The following TENM2 variants were observed in gnomAD, a reference collection of about 807,000 sequenced individuals.
TENM2 encodes teneurin transmembrane protein 2.
A neutral mutation model predicts 245.2 loss-of-function variants in TENM2; 52 were observed. The observed-to-expected ratio is 0.21, with a 90% CI of 0.17 to 0.27. The LOEUF (loss-of-function observed/expected upper bound fraction) is 0.27, where lower values mean the gene tolerates loss of function less well. Among genes scored for constraint, TENM2 ranks in the 10% least tolerant of loss-of-function variants. TENM2 has a pLI of 1.00. For missense variants in TENM2, 3,046 were observed against 3,666.8 expected, an observed-to-expected ratio of 0.83 and a Z score of 4.37; for synonymous variants, 1,363 against 1,438.9, an observed-to-expected ratio of 0.95 and a Z score of 1.19.
At chr5:167,510,212 T>G (rs1769845070) in intron 2 of TENM2, among the ~76,000 whole-genome samples, 1 of 152,218 alleles carries the variant, frequency 6.6e-6, no homozygotes, top group Non-Finnish European at 1.5e-5. Context: ...TTCATGCAGT[T>G]AATTTACTCT....
intron 2 of TENM2, among the ~76,000 whole-genome samples, chr5:167,642,981 G>A (rs974010328): frequency 2.0e-5 from 3 of 152,104 alleles, no homozygotes; most frequent in South Asian, 2.1e-4. Context: ...TGTTCCCACC[G>A]CTCACTGCAA....
intron 13 of TENM2, among the ~76,000 whole-genome samples, chr5:168,180,292 A>G (rs927704394): frequency 6.6e-6 from 1 of 152,148 alleles, no homozygotes; most frequent in African/African-American, 2.4e-5. Context: ...AATGCTGCGT[A>G]CTCCATGACA....
At chr5:166,981,963 G>A in the TENM2 span, among the ~76,000 whole-genome samples, 1 of 152,048 alleles carries the variant, frequency 6.6e-6, no homozygotes, top group African/African-American at 2.4e-5. Flanking sequence ...GCTTGTTGAT[G>A]GGTTTATTAT....
In TENM2 at chr5:168,164,118, C is replaced by T. The variant is rs575243194; in HGVS notation, c.2569+1361C>T. On this transcript the variant is annotated intron_variant, in intron 13 of 28. Transcript: ENST00000518659. ...TTACATTCCAGCCTTTGTGTAAGTG[C>T]GCTGGCTCTTTCCGCCTTTAATATT... is the stretch of plus-strand genomic sequence containing the variant. 2.6e-4 allele frequency among the ~76,000 whole-genome samples: 39 copies of T among 152,308 alleles called. No individual in the cohort carries two copies. The South Asian group carries it at 2.7e-3, about 11-fold the overall frequency.
intron 5 of TENM2, among the ~76,000 whole-genome samples, chr5:168,007,724 T>C (rs1457741859): frequency 6.6e-6 from 1 of 152,220 alleles, no homozygotes; most frequent in Non-Finnish European, 1.5e-5. Context: ...TTTACTTGGC[T>C]CAGAAGACCT....
chr5:168,246,844 G>T (rs371497946), exon 27 of TENM2: 8 of 1,613,870 alleles, frequency 5.0e-6, no homozygotes, highest in Non-Finnish European at 6.8e-6. Context: ...CATGCCCAGC[G>T]TGGCCCGGCA....
intron 4 of TENM2, among the ~76,000 whole-genome samples, chr5:167,989,955 G>A (rs191481656): frequency 3.3e-5 from 5 of 152,272 alleles, no homozygotes; most frequent in Admixed American, 1.3e-4. Context: ...TAGAAATGGA[G>A]CTTTGGAGAC....
At chr5:167,876,082 T>G in exon 3 of TENM2, 1 of 1,551,446 alleles carries the variant, frequency 6.4e-7, no homozygotes. Context: ...CAGATGCCAT[T>G]GCTAGACAGC....
the TENM2 span, among the ~76,000 whole-genome samples, chr5:167,279,546 C>G: frequency 7.1e-6 from 1 of 140,156 alleles, no homozygotes; most frequent in Non-Finnish European, 1.5e-5. Flanking sequence ...TCCTTCCTTC[C>G]TTCCTTCCTT....
At chr5:168,228,209 T>C in intron 25 of TENM2, 79 bp downstream of exon 27, 1 of 1,216,970 alleles carries the variant, frequency 8.2e-7, no homozygotes, top group Non-Finnish European at 1.2e-6. Flanking sequence ...AAAGTTTCTC[T>C]GTTACCACAG....
At chr5:168,191,571 A>G (rs1760964497) in intron 14 of TENM2, among the ~76,000 whole-genome samples, 1 of 152,120 alleles carries the variant, frequency 6.6e-6, no homozygotes, top group Non-Finnish European at 1.5e-5. Context: ...TCTAGATACT[A>G]GGAACTTGGG....
At chr5:167,435,342 G>A (rs758080091) in intron 2 of TENM2, among the ~76,000 whole-genome samples, 2 of 152,092 alleles carry the variant, frequency 1.3e-5, no homozygotes, top group Admixed American at 6.6e-5. Flanking sequence ...TCTTTCCTAC[G>A]CTGTTATCGT....
In TENM2 at chr5:167,872,461, C is replaced by CGAAA. The variant is rs763636004; in HGVS notation, c.503-3504_503-3501dup. Among the ~76,000 whole-genome samples, 36 of 99,872 alleles carry CGAAA rather than the reference C, an allele frequency of 3.6e-4. 1 individual carries two copies. Among genetic ancestry groups the CGAAA allele is most frequent in the African/African-American group, 1.1e-3 (28 of 24,610 alleles). 65.5% of individuals were successfully genotyped at this position (99,872 alleles called of 152,430 possible). A position where few individuals can be genotyped will look rare whatever the true frequency, so the allele number is the denominator to read the frequency against. On this transcript the variant is annotated intron_variant, in intron 2 of 28. Coordinates refer to ENST00000518659, the Ensembl canonical transcript of TENM2. ...AAACAAGCACGAAAGAAAGAAAGCA[C>CGAAA]GAAAGAAAGAAAGAAAGAAAGAAAA...
intron 2 of TENM2, among the ~76,000 whole-genome samples, chr5:167,601,041 T>A (rs946316519): frequency 3.9e-5 from 6 of 152,238 alleles, no homozygotes; most frequent in African/African-American, 1.4e-4. Flanking sequence ...GCTCTGAGGT[T>A]ACAGCAAGAG....
At chr5:167,223,428 G>A in the TENM2 span, among the ~76,000 whole-genome samples, 2 of 151,772 alleles carry the variant, frequency 1.3e-5, no homozygotes, top group African/African-American at 2.4e-5. Flanking sequence ...ACATATGAGC[G>A]GGAACACACA....
At chr5:167,508,369 T>C (rs1419919222) in intron 2 of TENM2, among the ~76,000 whole-genome samples, 6 of 152,224 alleles carry the variant, frequency 3.9e-5, no homozygotes, top group African/African-American at 1.4e-4. Flanking sequence ...ATTATCTATG[T>C]AAATTTAACT....
intron 2 of TENM2, among the ~76,000 whole-genome samples, chr5:167,450,756 C>T (rs1163360584): frequency 6.6e-6 from 1 of 152,108 alleles, no homozygotes; most frequent in African/African-American, 2.4e-5. Context: ...TCAACTTTCC[C>T]CTCATTCTCA....
chr5:167,461,837 C>A (rs1386061503), intron 2 of TENM2, among the ~76,000 whole-genome samples: 2 of 152,070 alleles, frequency 1.3e-5, no homozygotes, highest in East Asian at 3.9e-4. Flanking sequence ...GCTTGTTTCA[C>A]CTAAAAGTTA....
At chr5:167,132,709 A>G in the TENM2 span, among the ~76,000 whole-genome samples, 741 of 152,304 alleles carry the variant, frequency 4.9e-3, 3 homozygotes, top group African/African-American at 0.017. Flanking sequence ...ATGAACATCA[A>G]TTTTACTCAG....
Sources: gnomAD v4.1 joint callset for allele counts (sites outside exome capture counted in the v4.1 genomes callset) on GRCh38, gnomAD v4.1.1 for gene constraint, MANE v1.5 for transcripts, NCBI Gene and HGNC (gene_info 2026-07-23, HGNC 2026-07-21) for gene names.